MAD1L1: variants seen among roughly 807,000 people sequenced by gnomAD.
MAD1L1 encodes mitotic spindle assembly checkpoint protein MAD1.
In MAD1L1, 95 loss-of-function variants were observed where a neutral mutation model predicts 96.9. That is an observed-to-expected ratio of 0.98 (90% CI 0.83 to 1.16). The LOEUF (loss-of-function observed/expected upper bound fraction) is 1.16. MAD1L1 is among the 50% of genes most tolerant of loss of function. The probability of loss-of-function intolerance (pLI) is 0.00; values close to 1 mark genes in which losing one functional copy is unlikely to be tolerated. For synonymous variants in MAD1L1, 473 were observed against 396.6 expected, an observed-to-expected ratio of 1.19 and a Z score of -2.29; for missense variants, 1,007 against 954.4, an observed-to-expected ratio of 1.06 and a Z score of -0.73.
At chr7:2,070,572 C>A (rs1198887475) in intron 11 of MAD1L1, among the ~76,000 whole-genome samples, 2 of 152,102 alleles carry the variant, frequency 1.3e-5, no homozygotes, top group African/African-American at 4.8e-5. Flanking sequence ...GGGCCCATCC[C>A]TACTCAGACA....
chr7:1,915,520 G>A (rs1049554128), intron 17 of MAD1L1, among the ~76,000 whole-genome samples: 1 of 152,240 alleles, frequency 6.6e-6, no homozygotes. Context: ...CGTACGTGGA[G>A]CGGTGTTCCA....
Position 2,225,457 on chromosome 7 carries a change from G to C in MAD1L1, c.244C>G (p.Arg82Gly), listed in dbSNP as rs373138225. The part of the protein sequence containing the change: ...MQMELSHKRA[R>G]VELERAASTS... ...CTGGCTGCTCTCTCCAGCTCCACTC[G>C]AGCCCTCTTGTGACTCAGCTCCATC... The change falls in exon 4 of 19, where the codon CGA becomes GGA. Residue 82 changes from arginine (R) to glycine (G), a missense_variant. Physicochemically the swap from Arg to Gly is moderately radical, Grantham distance 125 (BLOSUM62 -2). Transcript: ENST00000265854. 1.9e-6 allele frequency: 3 copies of C among 1,614,084 alleles called. No homozygotes were observed. The highest frequency in any genetic ancestry group is 2.2e-5 in the East Asian group (1 of 44,874).
At chr7:2,131,187 C>A (rs1788494995) in intron 11 of MAD1L1, among the ~76,000 whole-genome samples, 1 of 152,160 alleles carries the variant, frequency 6.6e-6, no homozygotes, top group Admixed American at 6.5e-5. Context: ...CCAGAGCGGA[C>A]CCTGCACACG....
chr7:2,175,134 A>T (rs1790885875), intron 10 of MAD1L1: 1 of 152,266 alleles, frequency 6.6e-6, no homozygotes, highest in Non-Finnish European at 1.5e-5. Flanking sequence ...CGTAGTCCAT[A>T]AGGCACCCCG....
chr7:2,126,292 G>A (rs1422937166), intron 11 of MAD1L1, among the ~76,000 whole-genome samples: 1 of 152,244 alleles, frequency 6.6e-6, no homozygotes, highest in Non-Finnish European at 1.5e-5. Flanking sequence ...GCCCCAGGTT[G>A]AAGACTCCAC....
At chr7:2,185,746 C>T (rs574149632) in intron 10 of MAD1L1, among the ~76,000 whole-genome samples, 5 of 151,984 alleles carry the variant, frequency 3.3e-5, no homozygotes, top group Non-Finnish European at 5.9e-5. Flanking sequence ...AAGGTGAGAA[C>T]GTGACGGTCA....
intron 10 of MAD1L1, among the ~76,000 whole-genome samples, chr7:2,149,689 CCA>C (rs1789476526): frequency 6.6e-6 from 1 of 152,206 alleles, no homozygotes; most frequent in Admixed American, 6.5e-5. Context: ...CAGGACGATT[CCA>C]GATTGTCTCA....
At chr7:1,985,373 G>GCA (rs1490851313) in intron 14 of MAD1L1, among the ~76,000 whole-genome samples, 1 of 152,226 alleles carries the variant, frequency 6.6e-6, no homozygotes, top group African/African-American at 2.4e-5. Flanking sequence ...AGCGGACTGG[G>GCA]CACAGCACAG....
intron 18 of MAD1L1, among the ~76,000 whole-genome samples, chr7:1,827,827 G>GTCCCGGGT (rs1782507361): frequency 6.6e-6 from 1 of 151,882 alleles, no homozygotes; most frequent in African/African-American, 2.4e-5. Context: ...TCCTGGGCCC[G>GTCCCGGGT]GGCTAGACAG....
chr7:2,030,253 C>T (rs4721326), intron 12 of MAD1L1, among the ~76,000 whole-genome samples: 29,082 of 152,202 alleles, frequency 0.19, 5,482 homozygotes, highest in African/African-American at 0.48. Context: ...CCCCAGCCCA[C>T]AGTGACGCCC....
intron 18 of MAD1L1, among the ~76,000 whole-genome samples, chr7:1,897,520 C>T (rs945496926): frequency 1.3e-5 from 2 of 152,242 alleles, no homozygotes; most frequent in African/African-American, 4.8e-5. Context: ...TGAACAAGCC[C>T]CTGTTGCCCT....
chr7:1,983,422 T>C (rs944337519), intron 14 of MAD1L1, among the ~76,000 whole-genome samples: 3 of 152,232 alleles, frequency 2.0e-5, no homozygotes, highest in Middle Eastern at 3.2e-3. Flanking sequence ...CTACAGTAAT[T>C]GATCTGTTTA....
chr7:2,206,510 G>A lies in MAD1L1; in HGVS notation c.986+6702C>T, dbSNP rs529885217. Among the ~76,000 whole-genome samples, 271 of 152,276 alleles carry A rather than the reference G, an allele frequency of 1.8e-3. 1 individual carries two copies. Among genetic ancestry groups the A allele is most frequent in the African/African-American group, 5.8e-3 (243 of 41,550 alleles). The stretch of plus-strand genomic sequence containing the variant: ...AGGTGTTAAGGCTCATCCTCACCAC[G>A]AAGAGCCTACTGGTTTACCACCCTC... On this transcript the variant is annotated intron_variant, in intron 10 of 18. Coordinates refer to ENST00000265854, the MANE Select transcript of MAD1L1 (RefSeq NM_001013836.2).
chr7:1,913,146 C>T (rs1173386983), intron 17 of MAD1L1, among the ~76,000 whole-genome samples: 2 of 152,166 alleles, frequency 1.3e-5, no homozygotes, highest in Non-Finnish European at 2.9e-5. Context: ...TCTATGAAAA[C>T]CTGCTAATGT....
chr7:1,941,926 G>A (rs868461180), intron 16 of MAD1L1, among the ~76,000 whole-genome samples: 5 of 152,174 alleles, frequency 3.3e-5, no homozygotes, highest in African/African-American at 1.2e-4. Flanking sequence ...TCGTCTTTCT[G>A]TAAGTTCAGG....
rs748379841 is a variant in MAD1L1, at chr7:2,014,618, G to C, written c.1243C>G (p.Leu415Val). ...GTCAGCTCGCTGTCGTAGGACCCCA[G>C]GATGGCCCGCATACCGTCCCGCTCC... ...TKERDGMRAILGSYDSELTPA... is the reference protein window; with the variant it reads ...TKERDGMRAIVGSYDSELTPA... The change falls in exon 13 of 19, where the codon CTG becomes GTG. Residue 415 changes from leucine to valine, a missense_variant. Leu to Val is a conservative substitution (Grantham distance 32). Transcript: ENST00000265854. 18 of 1,612,266 alleles carry C rather than the reference G, an allele frequency of 1.1e-5. No homozygotes were observed. The East Asian group carries it at 3.8e-4, about 34-fold the overall frequency.
intron 15 of MAD1L1, among the ~76,000 whole-genome samples, chr7:1,976,891 T>A (rs921564478): frequency 3.3e-5 from 5 of 152,102 alleles, no homozygotes; most frequent in Non-Finnish European, 7.4e-5. Flanking sequence ...ACATAAAAGC[T>A]CTCCAAGTCC....
At position 1,904,854 on chromosome 7, in the gene MAD1L1, G is replaced by A. The variant is rs10278042; in HGVS notation, c.1808-6464C>T. ...GAGGACGCAGTGGCCTATGGAAGAC[G>A]CTCTTGCAGAACTCATGATTGATGA... On this transcript the variant is annotated intron_variant, in intron 17 of 18. Transcript: ENST00000265854. 2.5e-4 allele frequency among the ~76,000 whole-genome samples: 30 copies of A among 118,860 alleles called. 4 individuals are homozygous for A. Among genetic ancestry groups the A allele is most frequent in the African/African-American group, 1.1e-3 (29 of 25,738 alleles). 78.0% of individuals were successfully genotyped at this position (118,860 alleles called of 152,430 possible). A position where few individuals can be genotyped will look rare whatever the true frequency, so the allele number is the denominator to read the frequency against.
chr7:1,894,930 G>C (rs573810001), intron 18 of MAD1L1, among the ~76,000 whole-genome samples: 1 of 152,124 alleles, frequency 6.6e-6, no homozygotes, highest in Non-Finnish European at 1.5e-5. Flanking sequence ...AGAAACACAG[G>C]AGGGGCACAC....
Sources: gnomAD v4.1 joint callset for allele counts (sites outside exome capture counted in the v4.1 genomes callset) on GRCh38, gnomAD v4.1.1 for gene constraint, MANE v1.5 for transcripts, NCBI Gene and HGNC (gene_info 2026-07-23, HGNC 2026-07-21) for gene names.